BCAS3: variants seen among roughly 807,000 people sequenced by gnomAD.
BCAS3 encodes the protein BCAS3 microtubule associated cell migration factor.
Under a neutral mutation model 116.1 loss-of-function variants are expected in BCAS3, and 53 were observed. That is an observed-to-expected ratio of 0.46 (90% confidence interval 0.37 to 0.57). The LOEUF (loss-of-function observed/expected upper bound fraction) is 0.57, where lower values mean the gene tolerates loss of function less well. BCAS3 is among the 20% of genes least tolerant of loss of function. BCAS3 has a pLI of 0.00. For synonymous variants in BCAS3, 391 were observed against 408.2 expected (o/e 0.96, Z 0.51); for missense variants, 917 against 1,165.4 (o/e 0.79, Z 3.10).
chr17:61,151,940 C>G lies in BCAS3; in HGVS notation c.2425+67376C>G, dbSNP rs2077563512. 6.6e-6 allele frequency among the ~76,000 whole-genome samples: 1 copy of G among 152,166 alleles called. No homozygotes were observed. The highest frequency in any genetic ancestry group is 1.5e-5 in the Non-Finnish European group (1 of 68,028). On this transcript the variant is annotated intron_variant, in intron 22 of 23. Transcript: ENST00000407086. This position sits in a 1 kb window ranked among gnomAD's most constrained non-coding sequence, Gnocchi z 4.8. ...CAAGCACCAGCTCCACATAGTGACA[C>G]AGTACCGGAAGGGCAAGGATTCTCT...
At chr17:60,754,202 T>C (rs1251043646) in intron 6 of BCAS3, among the ~76,000 whole-genome samples, 2 of 151,926 alleles carry the variant, frequency 1.3e-5, no homozygotes, top group African/African-American at 4.8e-5. Flanking sequence ...ACCTGACTTC[T>C]TTTTTTCTTT....
rs1445643479 is a variant in BCAS3, at chr17:61,215,789, A to G, written c.2425+131225A>G. On this transcript the variant is annotated intron_variant, in intron 22 of 23. Transcript: ENST00000407086. The surrounding 1 kb of genome is among the most constrained non-coding windows in gnomAD (Gnocchi z 4.8). ...CAGTAGTTCTCAACCTTGACTATAT[A>G]TTAGAATTCCTTGGAGACCTTTTAA... is the stretch of plus-strand genomic sequence containing the variant. Among the ~76,000 whole-genome samples the G allele has an allele frequency of 6.6e-6, 1 of 152,180 alleles. No individual in the cohort carries two copies. Among genetic ancestry groups the G allele is most frequent in the Non-Finnish European group, 1.5e-5 (1 of 68,038 alleles).
chr17:61,060,370 C>G (rs1162600769), intron 19 of BCAS3, among the ~76,000 whole-genome samples: 3 of 151,832 alleles, frequency 2.0e-5, no homozygotes, highest in African/African-American at 7.3e-5. Flanking sequence ...CTCCTGACCT[C>G]ATGAGCCACC....
intron 5 of BCAS3, among the ~76,000 whole-genome samples, chr17:60,731,014 G>A (rs2144159379): frequency 6.6e-6 from 1 of 152,160 alleles, no homozygotes; most frequent in East Asian, 1.9e-4. Flanking sequence ...GATGATACCT[G>A]CCATGCCTCC....
chr17:61,386,004 T>C (rs1380423828), intron 23 of BCAS3, among the ~76,000 whole-genome samples: 1 of 152,216 alleles, frequency 6.6e-6, no homozygotes. Context: ...AGAGGGACCC[T>C]GTAGTCCTGT....
chr17:61,340,974 T>A (rs1219721388), intron 22 of BCAS3, among the ~76,000 whole-genome samples: 1 of 151,832 alleles, frequency 6.6e-6, no homozygotes, highest in Non-Finnish European at 1.5e-5. Context: ...TGGCAGTGAG[T>A]GGCAGAGGGG....
At chr17:60,831,592 G>A (rs75673425) in intron 7 of BCAS3, among the ~76,000 whole-genome samples, 33,338 of 152,152 alleles carry the variant, frequency 0.22, 4,712 homozygotes, top group African/African-American at 0.41. Flanking sequence ...ACCAAACACA[G>A]TATACAACGA....
chr17:60,683,505 C>CTTTTTTTTTT lies in BCAS3; in HGVS notation c.84-447_84-438dup, dbSNP rs138663451. Among the ~76,000 whole-genome samples the CTTTTTTTTTT allele has an allele frequency of 1.8e-4, 8 of 44,486 alleles. 1 individual carries two copies. The highest frequency in any genetic ancestry group is 3.0e-4 in the Non-Finnish European group (7 of 22,952). The allele number at this position is 44,486 out of a possible 152,430, so 29.2% of individuals were successfully genotyped here. On this transcript the variant is annotated intron_variant, in intron 2 of 23. Coordinates refer to ENST00000407086, the MANE Select transcript of BCAS3 (RefSeq NM_017679.5). The stretch of plus-strand genomic sequence containing the variant: ...GAAATATCAGGTGATAAGAGTTAGC[C>CTTTTTTTTTT]TTTTTTTTTTTTTTTTTTTTTTTTT...
chr17:61,148,605 C>T (rs1336427561), intron 22 of BCAS3, among the ~76,000 whole-genome samples: 1 of 152,182 alleles, frequency 6.6e-6, no homozygotes, highest in Non-Finnish European at 1.5e-5. Context: ...TTAAACACTA[C>T]AGGCTAACTG....
chr17:60,971,141 A>G (rs1003494972), intron 14 of BCAS3, among the ~76,000 whole-genome samples: 7 of 152,294 alleles, frequency 4.6e-5, no homozygotes, highest in African/African-American at 9.6e-5. Context: ...AGATTGTTCA[A>G]TTAGCAACTA....
chr17:61,369,526 C>T (rs1463576122), intron 23 of BCAS3, among the ~76,000 whole-genome samples: 1 of 152,164 alleles, frequency 6.6e-6, no homozygotes, highest in Admixed American at 6.5e-5. Flanking sequence ...ATCACACAGT[C>T]CCACTTCCCC....
chr17:60,919,178 A>G (rs1245935930), intron 12 of BCAS3, among the ~76,000 whole-genome samples: 3 of 151,986 alleles, frequency 2.0e-5, no homozygotes, highest in South Asian at 4.2e-4. Flanking sequence ...ATTATTTTTC[A>G]ATTCTTTTTC....
chr17:60,856,342 C>T (rs888637682), intron 7 of BCAS3, among the ~76,000 whole-genome samples: 28 of 151,998 alleles, frequency 1.8e-4, no homozygotes, highest in Middle Eastern at 3.4e-3. Context: ...TATGAAAATC[C>T]AAAAAAGTTG....
Position 61,382,335 on chromosome 17 carries a change from A to T in BCAS3, c.2594-9642A>T, listed in dbSNP as rs541331980. Among the ~76,000 whole-genome samples the T allele has an allele frequency of 2.0e-5, 3 of 150,922 alleles. No individual in the cohort carries two copies. The East Asian group carries it at 6.0e-4, about 30-fold the overall frequency. On this transcript the variant is annotated intron_variant, in intron 23 of 23. Transcript: ENST00000407086. ...GAGTGCAATGGCACGACCTCAGCTCACTGCAATGTCCGCCTCCCAGGTTCA... is the reference window on the plus strand; with the variant it reads ...GAGTGCAATGGCACGACCTCAGCTCTCTGCAATGTCCGCCTCCCAGGTTCA...
intron 22 of BCAS3, among the ~76,000 whole-genome samples, chr17:61,202,597 C>T (rs1435601758): frequency 6.6e-6 from 1 of 151,894 alleles, no homozygotes; most frequent in Non-Finnish European, 1.5e-5. Context: ...CTAACTACTC[C>T]ATTGGTTAGA....
chr17:60,868,669 C>G lies in BCAS3; in HGVS notation c.570C>G (p.Leu190=). ...AATTTAAGACACCTATTTATGATCT[C>G]CATTGCAATAAACGGTAAGGATTTT... ...SIQFKTPIYD[L]HCNKRILVVV... is the part of the protein sequence containing the mutation. The change falls in exon 8 of 24, where the codon CTC becomes CTG. Residue 190 remains leucine (L), a synonymous_variant. Coordinates refer to ENST00000407086, the MANE Select transcript of BCAS3 (RefSeq NM_017679.5). The G allele has an allele frequency of 6.3e-7, 1 of 1,582,728 alleles. No individual in the cohort carries two copies. The highest frequency in any genetic ancestry group is 8.6e-7 in the Non-Finnish European group (1 of 1,165,180).
intron 5 of BCAS3, among the ~76,000 whole-genome samples, chr17:60,716,694 G>A (rs2038647071): frequency 6.7e-6 from 1 of 148,622 alleles, no homozygotes; most frequent in Non-Finnish European, 1.5e-5. Flanking sequence ...CAGCCTGGGT[G>A]ACAGAGCAAG....
rs1394245035 is a variant in BCAS3 at position 61,130,770 on chromosome 17, G to A, written c.2425+46206G>A. ...CTGAAGTCAGCGTCAAGAAATATTG[G>A]TCTTGGCCAGGAGCGGTGCCTCACA... is the stretch of plus-strand genomic sequence containing the variant. On this transcript the variant is annotated intron_variant, in intron 22 of 23. Coordinates refer to ENST00000407086, the MANE Select transcript of BCAS3 (RefSeq NM_017679.5). The surrounding 1 kb of genome is among the most constrained non-coding windows in gnomAD (Gnocchi z 5.0). 6.6e-6 allele frequency: 1 copy of A among 152,268 alleles called. No homozygotes were observed. The highest frequency in any genetic ancestry group is 1.5e-5 in the Non-Finnish European group (1 of 68,166). 9.4% of individuals were successfully genotyped at this position (152,268 alleles called of 1,614,324 possible). A position where few individuals can be genotyped will look rare whatever the true frequency, so the allele number is the denominator to read the frequency against.
chr17:61,210,618 C>T (rs1000443834), intron 22 of BCAS3, among the ~76,000 whole-genome samples: 1 of 152,158 alleles, frequency 6.6e-6, no homozygotes, highest in Non-Finnish European at 1.5e-5. Context: ...TGCTCTGTGA[C>T]CAGGTGCTAA....
Sources: allele counts gnomAD v4.1 joint callset (sites outside exome capture counted in the v4.1 genomes callset), GRCh38; gene constraint gnomAD v4.1.1; non-coding constraint Gnocchi (gnomAD v3.1); transcripts MANE v1.5; gene names NCBI Gene and HGNC (gene_info 2026-07-23, HGNC 2026-07-21).